PRPSAP2: variants seen among roughly 807,000 people sequenced by gnomAD.
The protein encoded by PRPSAP2 is phosphoribosyl pyrophosphate synthetase associated protein 2.
In PRPSAP2, 24 loss-of-function variants were observed where a neutral mutation model predicts 40.6. The observed-to-expected ratio is 0.59, with a 90% CI of 0.43 to 0.83. The LOEUF (loss-of-function observed/expected upper bound fraction) is 0.83, where lower values mean the gene tolerates loss of function less well. Ranked by LOEUF, PRPSAP2 falls within the 40% of genes least tolerant of loss-of-function variation. PRPSAP2 has a pLI of 0.00. For missense variants in PRPSAP2, 292 were observed against 465.6 expected (o/e 0.63, Z 3.43); for synonymous variants, 149 against 164.7 (o/e 0.90, Z 0.73).
rs140775634 is a variant in PRPSAP2, at chr17:18,865,851, A to G, written c.18A>G (p.Pro6=). 9.6e-5 allele frequency: 146 copies of G among 1,515,892 alleles called. No homozygotes were observed. The highest frequency in any genetic ancestry group is 1.3e-4 in the Non-Finnish European group (141 of 1,121,244). 93.9% of individuals were successfully genotyped at this position (1,515,892 alleles called of 1,614,324 possible). A position where few individuals can be genotyped will look rare whatever the true frequency, so the allele number is the denominator to read the frequency against. MFCVT[P]PELETKMNIT... ...AGGTTTTGATGTTTTGTGTGACGCC[A>G]CCTGAATTAGAAACCAAGATGAACA... Residue 6 remains proline (P), a synonymous_variant, in exon 3 of 12, where the codon CCA becomes CCG. Coordinates refer to ENST00000268835, the MANE Select transcript of PRPSAP2 (RefSeq NM_002767.4).
chr17:18,898,895 G>A (rs1227673835), intron 8 of PRPSAP2, among the ~76,000 whole-genome samples: 1 of 150,648 alleles, frequency 6.6e-6, no homozygotes, highest in Non-Finnish European at 1.5e-5. Context: ...GTGTTTGTTT[G>A]TTTGTTTGTT....
At position 18,930,820 on chromosome 17, in the gene PRPSAP2, AT is replaced by A; in HGVS notation, c.*124del. ...CCTCTCCCCTGTAACCTCACTTCTT[AT>A]TGATTCCTAAGAAGATAGACCAACT... On this transcript the variant is annotated 3_prime_UTR_variant, in exon 12 of 12. Transcript: ENST00000268835. The A allele has an allele frequency of 4.4e-6, 4 of 905,396 alleles. No homozygotes were observed. The highest frequency in any genetic ancestry group is 6.1e-6 in the Non-Finnish European group (4 of 655,292). 56.1% of individuals were successfully genotyped at this position (905,396 alleles called of 1,614,324 possible).
In PRPSAP2 at chr17:18,858,159, A is replaced by C. The variant is rs979363388; in HGVS notation, c.-231A>C. The stretch of plus-strand genomic sequence containing the variant: ...GTCACCGCGGACGCCAATCTTGTGC[A>C]TGGAGTCGCCATTTTGCTCCTAGAG... On this transcript the variant is annotated 5_prime_UTR_variant, in exon 1 of 12. It removes an upstream start codon present in the reference 5' UTR. Coordinates refer to ENST00000268835, the MANE Select transcript of PRPSAP2 (RefSeq NM_002767.4). The C allele has an allele frequency of 2.6e-5, 4 of 152,164 alleles. No homozygotes were observed. The highest frequency in any genetic ancestry group is 9.7e-5 in the African/African-American group (4 of 41,420). 9.4% of individuals were successfully genotyped at this position (152,164 alleles called of 1,614,324 possible).
At chr17:18,900,120 C>T (rs933268205) in intron 8 of PRPSAP2, among the ~76,000 whole-genome samples, 8 of 151,718 alleles carry the variant, frequency 5.3e-5, no homozygotes, top group Non-Finnish European at 1.2e-4. Context: ...CTTCTGACCT[C>T]GTGATCTGCC....
At chr17:18,880,872 C>T (rs1228579804) in intron 6 of PRPSAP2, among the ~76,000 whole-genome samples, 1 of 151,840 alleles carries the variant, frequency 6.6e-6, no homozygotes, top group Non-Finnish European at 1.5e-5. Context: ...CTCGCTCTGT[C>T]GCCCAGGCTG....
At chr17:18,892,727 G>GTGTGTA (rs60288281) in intron 8 of PRPSAP2, among the ~76,000 whole-genome samples, 1 of 126,626 alleles carries the variant, frequency 7.9e-6, no homozygotes, top group Non-Finnish European at 1.7e-5. Flanking sequence ...GTGTGTGTGT[G>GTGTGTA]TATTTATTTA....
At chr17:18,863,139 T>A (rs142148632) in intron 1 of PRPSAP2, among the ~76,000 whole-genome samples, 567 of 152,138 alleles carry the variant, frequency 3.7e-3, no homozygotes, top group Non-Finnish European at 6.2e-3. Context: ...TTATTTATTT[T>A]TTTATTTTTT....
At chr17:18,905,660 A>G (rs1049027228) in intron 8 of PRPSAP2, among the ~76,000 whole-genome samples, 2 of 151,644 alleles carry the variant, frequency 1.3e-5, no homozygotes, top group African/African-American at 4.8e-5. Flanking sequence ...GCTCACCGCA[A>G]TCTCCGCCTC....
chr17:18,895,262 T>A (rs58119584), intron 8 of PRPSAP2, among the ~76,000 whole-genome samples: 13,166 of 151,404 alleles, frequency 0.087, 607 homozygotes, highest in African/African-American at 0.13. Flanking sequence ...ATTAAAAAAA[T>A]ATATATATAT....
intron 8 of PRPSAP2, among the ~76,000 whole-genome samples, chr17:18,910,077 T>C (rs2040864900): frequency 1.3e-5 from 2 of 152,134 alleles, no homozygotes; most frequent in African/African-American, 4.8e-5. Context: ...GAATGAACTA[T>C]TGATATGTTA....
At chr17:18,885,039 T>C (rs1327738271) in intron 7 of PRPSAP2, among the ~76,000 whole-genome samples, 3 of 152,132 alleles carry the variant, frequency 2.0e-5, no homozygotes, top group African/African-American at 7.2e-5. Context: ...TTGCCTGTAG[T>C]GCAGGCTTCT....
intron 9 of PRPSAP2, among the ~76,000 whole-genome samples, chr17:18,920,143 TGAGCCATGCCCGG>T (rs1180666300): frequency 3.3e-5 from 5 of 152,170 alleles, no homozygotes; most frequent in African/African-American, 1.2e-4. Context: ...ATTGGTGAGA[TGAGCCATGCCCGG>T]GAGCATGGAA....
intron 1 of PRPSAP2, chr17:18,859,519 G>C (rs901927027): frequency 6.6e-6 from 1 of 152,146 alleles, no homozygotes; most frequent in African/African-American, 2.4e-5. Context: ...GTCTAAAATG[G>C]GTCTCATTCT....
intron 6 of PRPSAP2, among the ~76,000 whole-genome samples, chr17:18,881,199 A>C (rs2151908151): frequency 6.6e-6 from 1 of 152,068 alleles, no homozygotes; most frequent in African/African-American, 2.4e-5. Flanking sequence ...TTTTTTTTGA[A>C]AAATACAAGT....
intron 8 of PRPSAP2, among the ~76,000 whole-genome samples, chr17:18,894,373 G>C (rs143192215): frequency 9.2e-5 from 14 of 152,058 alleles, no homozygotes; most frequent in African/African-American, 3.1e-4. Context: ...TGGTCAGGCT[G>C]GTCTTGAACT....
At chr17:18,890,378 C>G (rs1350452871) in intron 8 of PRPSAP2, among the ~76,000 whole-genome samples, 1 of 152,114 alleles carries the variant, frequency 6.6e-6, no homozygotes, top group Non-Finnish European at 1.5e-5. Flanking sequence ...CCATGTTGGT[C>G]AGGCTGGTCT....
chr17:18,908,158 C>T, intron 8 of PRPSAP2: 1 of 571,956 alleles, frequency 1.7e-6, no homozygotes, highest in East Asian at 2.9e-5. Flanking sequence ...GACTCCATCT[C>T]AACAACAAAA....
chr17:18,866,392 G>A (rs1001938842), intron 3 of PRPSAP2, among the ~76,000 whole-genome samples: 30 of 152,050 alleles, frequency 2.0e-4, no homozygotes, highest in Admixed American at 1.6e-3. Context: ...GTGAAACCCC[G>A]CGTCTACTAA....
intron 9 of PRPSAP2, among the ~76,000 whole-genome samples, chr17:18,921,143 C>A (rs1156527980): frequency 6.6e-6 from 1 of 152,040 alleles, no homozygotes; most frequent in African/African-American, 2.4e-5. Flanking sequence ...GGCTAATAAC[C>A]CATCGTATGA....
Sources: gnomAD v4.1 joint callset for allele counts (sites outside exome capture counted in the v4.1 genomes callset) on GRCh38, gnomAD v4.1.1 for gene constraint, MANE v1.5 for transcripts, NCBI Gene and HGNC (gene_info 2026-07-23, HGNC 2026-07-21) for gene names.